The following REPS2 variants were observed in gnomAD, a reference collection of about 807,000 sequenced individuals.
REPS2 encodes ralBP1-associated Eps domain-containing protein 2.
Under a neutral mutation model 53.6 loss-of-function variants are expected in REPS2, and 23 were observed. The observed-to-expected ratio is 0.43, with a 90% CI of 0.31 to 0.61. The LOEUF (loss-of-function observed/expected upper bound fraction) is 0.61. Ranked by LOEUF, REPS2 falls within the 20% of genes least tolerant of loss-of-function variation. The pLI is 0.11. For synonymous variants in REPS2, 238 were observed against 218.6 expected (o/e 1.09, Z -0.78); for missense variants, 446 against 534.9 (o/e 0.83, Z 1.64).
At chrX:17,183,134 T>C in the REPS2 span, among the ~76,000 whole-genome samples, 1 of 112,472 alleles carries the variant, frequency 8.9e-6, no homozygotes, top group East Asian at 2.8e-4. Context: ...TGAAGGAGGT[T>C]CTGCCTTCAG....
chrX:17,038,762 T>C (rs757713970), intron 5 of REPS2, among the ~76,000 whole-genome samples: 3 of 112,091 alleles, frequency 2.7e-5, no homozygotes, highest in Non-Finnish European at 5.6e-5. Flanking sequence ...GCAGATACAT[T>C]TGAAGAACTG....
intron 5 of REPS2, among the ~76,000 whole-genome samples, chrX:17,036,755 AT>A (rs2061770674): frequency 8.9e-6 from 1 of 111,732 alleles, no homozygotes; most frequent in Admixed American, 9.5e-5. Flanking sequence ...ATCTCTCAGC[AT>A]TGCTTAGACA....
At position 16,953,330 on chromosome X, in the gene REPS2, A is replaced by C. The variant is rs2060546646; in HGVS notation, c.273+6196A>C. On this transcript the variant is annotated intron_variant, in intron 1 of 17. Coordinates refer to ENST00000357277, the MANE Select transcript of REPS2 (RefSeq NM_004726.3). ...TCTTTTGTAATAAAATATTTCAGGC[A>C]TGTAAAACTAGACAGTTACCCAAGA... Among the ~76,000 whole-genome samples, 3 of 111,580 alleles carry C rather than the reference A, an allele frequency of 2.7e-5. No individual in the cohort carries two copies. The Admixed American group carries it at 2.9e-4, about 11-fold the overall frequency.
the REPS2 span, among the ~76,000 whole-genome samples, chrX:17,171,930 TTAA>T: frequency 9.0e-6 from 1 of 111,313 alleles, no homozygotes. Context: ...GGGAGGTTGG[TTAA>T]TAATAATAAT....
At chrX:17,186,444 G>T in the REPS2 span, among the ~76,000 whole-genome samples, 1 of 112,222 alleles carries the variant, frequency 8.9e-6, no homozygotes, top group Non-Finnish European at 1.9e-5. Context: ...AGTGCCATTA[G>T]TATCACATTT....
intron 14 of REPS2, among the ~76,000 whole-genome samples, chrX:17,119,180 G>A (rs1486823213): frequency 8.9e-6 from 1 of 112,024 alleles, no homozygotes; most frequent in Non-Finnish European, 1.9e-5. Flanking sequence ...GTGACAGAAA[G>A]AAAGAGTTAA....
intron 1 of REPS2, among the ~76,000 whole-genome samples, chrX:16,970,787 A>G (rs2060880696): frequency 8.9e-6 from 1 of 112,139 alleles, no homozygotes; most frequent in African/African-American, 3.2e-5. Context: ...GTCATTTGTG[A>G]TTGTCTTCTT....
At position 17,069,937 on chromosome X, in the gene REPS2, T is replaced by A; in HGVS notation, c.1280-3T>A. The A allele has an allele frequency of 9.0e-7, 1 of 1,106,037 alleles. No individual in the cohort carries two copies. The highest frequency in any genetic ancestry group is 1.9e-5 in the African/African-American group (1 of 53,720). 91.1% of individuals were successfully genotyped at this position (1,106,037 alleles called of 1,213,427 possible). On this transcript the variant is annotated splice_region_variant and splice_polypyrimidine_tract_variant and intron_variant, in intron 10 of 17. Transcript: ENST00000357277. ...TTTTGCTTAAAAAACAAAACACAAC[T>A]AGCTTTGAAAAGTACTATCAATGAA...
intron 14 of REPS2, among the ~76,000 whole-genome samples, chrX:17,128,462 G>A (rs1344025076): frequency 7.2e-5 from 8 of 111,172 alleles, no homozygotes; most frequent in African/African-American, 9.8e-5. Flanking sequence ...AGAAGAGGGT[G>A]GCTGTGAGTC....
At chrX:17,108,228 C>G (rs2062901786) in intron 14 of REPS2, among the ~76,000 whole-genome samples, 1 of 107,271 alleles carries the variant, frequency 9.3e-6, no homozygotes, top group South Asian at 4.2e-4. Flanking sequence ...GGCTGGAGTG[C>G]AATGGCGCGA....
chrX:17,061,363 C>A (rs1365750353), intron 8 of REPS2, among the ~76,000 whole-genome samples: 1 of 112,063 alleles, frequency 8.9e-6, no homozygotes, highest in Non-Finnish European at 1.9e-5. Flanking sequence ...TGGTCTCAAA[C>A]TCCTGGGCTC....
chrX:17,103,752 G>A lies in REPS2; in HGVS notation c.1551G>A (p.Ala517=). The part of the protein sequence containing the change: ...TKSGLLPPPP[A]LPPRPCPSQS... Reference sequence around the variant, plus strand: ...CAGGATTGTTACCCCCACCACCTGCGCTCCCTCCAAGACCTTGTCCATCAC... The same window carrying A: ...CAGGATTGTTACCCCCACCACCTGCACTCCCTCCAAGACCTTGTCCATCAC... The change falls in exon 14 of 18, where the codon GCG becomes GCA. Residue 517 remains alanine (A), a synonymous_variant. Coordinates refer to ENST00000357277, the MANE Select transcript of REPS2 (RefSeq NM_004726.3). 1.7e-6 allele frequency: 2 copies of A among 1,210,315 alleles called. No individual in the cohort carries two copies. Among genetic ancestry groups the A allele is most frequent in the Non-Finnish European group, 2.2e-6 (2 of 894,711 alleles).
At position 17,138,930 on chromosome X, in the gene REPS2, G is replaced by A; in HGVS notation, c.1883G>A (p.Arg628Gln). 8.3e-7 allele frequency: 1 copy of A among 1,198,646 alleles called. No homozygotes were observed. The highest frequency in any genetic ancestry group is 1.1e-6 in the Non-Finnish European group (1 of 888,907). Residue 628 changes from arginine (R) to glutamine (Q), a missense_variant, in exon 17 of 18, where the codon CGG (arginine) becomes CAG (glutamine). Arg to Gln is a conservative substitution (Grantham distance 43). Transcript: ENST00000357277. ...KNKEANAVLA[R>Q]LNSELQQQLK... ...AAAGAGGCAAACGCAGTGCTGGCTC[G>A]GCTGAACAGTGAGCTCCAGCAGCAG...
At chrX:17,163,016 A>G in the REPS2 span, among the ~76,000 whole-genome samples, 1 of 112,273 alleles carries the variant, frequency 8.9e-6, no homozygotes. Flanking sequence ...CAATCAATAG[A>G]AATTGTTCTT....
chrX:16,950,606 ATG>A (rs773579329), intron 1 of REPS2, among the ~76,000 whole-genome samples: 201 of 112,598 alleles, frequency 1.8e-3, no homozygotes, highest in African/African-American at 6.1e-3. Context: ...TGAGTTTCTG[ATG>A]TGTGTCAGGT....
chrX:17,002,715 G>T (rs954154098), intron 1 of REPS2, among the ~76,000 whole-genome samples: 2 of 111,967 alleles, frequency 1.8e-5, no homozygotes, highest in African/African-American at 3.2e-5. Flanking sequence ...CTGGGGCTGT[G>T]CTGAGTAGGA....
At chrX:17,071,543 C>T (rs1381083761) in intron 11 of REPS2, among the ~76,000 whole-genome samples, 1 of 111,360 alleles carries the variant, frequency 9.0e-6, no homozygotes, top group Non-Finnish European at 1.9e-5. Context: ...TGCCTGGCAG[C>T]ATGCTATGTG....
intron 1 of REPS2, among the ~76,000 whole-genome samples, chrX:16,965,386 G>A (rs868852693): frequency 8.8e-6 from 1 of 113,030 alleles, no homozygotes; most frequent in Non-Finnish European, 1.9e-5. Flanking sequence ...CCTCCCTCCC[G>A]GACGAGGTGG....
intron 6 of REPS2, among the ~76,000 whole-genome samples, chrX:17,051,231 A>G (rs1440974821): frequency 8.9e-6 from 1 of 111,751 alleles, no homozygotes; most frequent in Non-Finnish European, 1.9e-5. Flanking sequence ...CCCACTGTGT[A>G]TACATACCAC....
Sources: allele counts gnomAD v4.1 joint callset (sites outside exome capture counted in the v4.1 genomes callset), GRCh38; gene constraint gnomAD v4.1.1; transcripts MANE v1.5; gene names NCBI Gene and HGNC (gene_info 2026-07-23, HGNC 2026-07-21).